Variants in NR2E1 observed in about 807,000 individuals in gnomAD.
NR2E1 encodes nuclear receptor subfamily 2 group E member 1.
NR2E1 carries 5 observed loss-of-function variants against 43.6 expected under a neutral mutation model. The observed-to-expected ratio is 0.11, with a 90% CI of 0.06 to 0.24. The LOEUF is 0.24. Ranked by LOEUF, NR2E1 falls within the 10% of genes least tolerant of loss-of-function variation. The pLI is 1.00. For missense variants in NR2E1, 287 were observed against 496.7 expected (o/e 0.58, Z 4.01); for synonymous variants, 191 against 195.5 (o/e 0.98, Z 0.19).
chr6:108,188,753 T>C lies in NR2E1; in HGVS notation c.*1290T>C, dbSNP rs1355420980. ...AAGTGAATTAACTGATTTGTGAAGT[T>C]AAAAGGTTGTACTCATTGTATTTAC... is the stretch of plus-strand genomic sequence containing the variant. On this transcript the variant is annotated 3_prime_UTR_variant, in exon 9 of 9. Coordinates refer to ENST00000368986, the MANE Select transcript of NR2E1 (RefSeq NM_003269.5). The C allele has an allele frequency of 6.6e-6, 1 of 152,174 alleles. No homozygotes were observed. Among genetic ancestry groups the C allele is most frequent in the Non-Finnish European group, 1.5e-5 (1 of 68,032 alleles). 9.4% of individuals were successfully genotyped at this position (152,174 alleles called of 1,614,324 possible).
At chr6:108,185,060 T>G (rs1372301929) in intron 8 of NR2E1, among the ~76,000 whole-genome samples, 1 of 152,168 alleles carries the variant, frequency 6.6e-6, no homozygotes, top group Non-Finnish European at 1.5e-5. Flanking sequence ...CAGTGAACAC[T>G]TTTTCCTCCA....
At chr6:108,187,217 G>C in intron 8 of NR2E1, 84 bp from the exon 9 acceptor site, 2 of 1,451,022 alleles carry the variant, frequency 1.4e-6, no homozygotes, top group Non-Finnish European at 1.9e-6. Context: ...AGCAATGCTG[G>C]AGATGATGTG....
chr6:108,175,448 T>G (rs1054689425), intron 3 of NR2E1, among the ~76,000 whole-genome samples: 2 of 152,252 alleles, frequency 1.3e-5, no homozygotes, highest in Non-Finnish European at 2.9e-5. Flanking sequence ...TGGGCCGATG[T>G]GAGTCCAGGG....
chr6:108,181,555 A>G lies in NR2E1; in HGVS notation c.899A>G (p.His300Arg), dbSNP rs746049251. The G allele has an allele frequency of 1.9e-6, 3 of 1,613,656 alleles. No individual in the cohort carries two copies. The highest frequency in any genetic ancestry group is 1.7e-5 in the Admixed American group (1 of 60,020). ...CIVTFKAVPT[H>R]SGSELRSFRN... ...TGGTCTTCATTTCTAGTTCCTACACATAGTGGTTCTGAACTGAGAAGTTTC... is the reference window on the plus strand; with the variant it reads ...TGGTCTTCATTTCTAGTTCCTACACGTAGTGGTTCTGAACTGAGAAGTTTC... The change falls in exon 8 of 9, where the codon CAT becomes CGT. Residue 300 changes from histidine to arginine, a missense_variant. His to Arg is a conservative substitution (Grantham distance 29, BLOSUM62 0). This residue lies in a region of NR2E1 where 119 missense variants were observed against 187.0 expected (regional missense o/e 0.64). Transcript: ENST00000368986.
intron 8 of NR2E1, among the ~76,000 whole-genome samples, chr6:108,185,318 A>C (rs560444778): frequency 4.2e-4 from 64 of 152,306 alleles, no homozygotes; most frequent in African/African-American, 1.5e-3. Flanking sequence ...ATGCTAATGG[A>C]TGAAGACAAG....
At chr6:108,177,227 A>T (rs758070254) in intron 4 of NR2E1, among the ~76,000 whole-genome samples, 1 of 152,266 alleles carries the variant, frequency 6.6e-6, no homozygotes, top group Non-Finnish European at 1.5e-5. Flanking sequence ...ATGAGTTTCT[A>T]ACGCAAGTGC....
intron 4 of NR2E1, 129 bp from the exon 5 acceptor site, chr6:108,177,966 A>G (rs956882260): frequency 2.1e-6 from 2 of 971,552 alleles, no homozygotes; most frequent in East Asian, 2.4e-5. Context: ...TGTCAACTGC[A>G]TGTTTAAACA....
intron 2 of NR2E1, among the ~76,000 whole-genome samples, 158 bp downstream of exon 2, chr6:108,171,761 C>T (rs1353772644): frequency 2.0e-5 from 3 of 152,132 alleles, no homozygotes; most frequent in African/African-American, 7.2e-5. Flanking sequence ...CTCTTGGAGG[C>T]CCTTTGGCTG....
intron 1 of NR2E1, 88 bp from the exon 2 acceptor site, chr6:108,171,366 ATCTC>A: frequency 1.5e-6 from 2 of 1,334,382 alleles, no homozygotes; most frequent in East Asian, 2.3e-5. Context: ...ATTGCTTAGC[ATCTC>A]TCTCTCCCTC....
chr6:108,187,377 A>G lies in NR2E1; in HGVS notation c.1072A>G (p.Ile358Val). 1 of 1,614,226 alleles carries G rather than the reference A, an allele frequency of 6.2e-7. No individual in the cohort carries two copies. ...PALRSISPST[I>V]EEVFFKKTIG... ...TTTACGTTCTATTAGCCCATCAACT[A>G]TAGAAGAAGTGTTTTTCAAAAAAAC... The change falls in exon 9 of 9, where the codon ATA (isoleucine) becomes GTA (valine). Residue 358 changes from isoleucine to valine, a missense_variant. By Grantham distance (29) the Ile-to-Val change is conservative. Transcript: ENST00000368986.
At chr6:108,168,128 C>T in intron 1 of NR2E1, 1 of 1,598,866 alleles carries the variant, frequency 6.3e-7, no homozygotes, top group Admixed American at 1.7e-5. Context: ...TAGGCTCGGG[C>T]CTACCCTGGC....
At chr6:108,176,423 CG>C in intron 3 of NR2E1, 79 bp from the exon 4 acceptor site, 1 of 1,419,358 alleles carries the variant, frequency 7.0e-7, no homozygotes. Context: ...GACATTGGGG[CG>C]GGGCTGGGGG....
chr6:108,180,935 T>G lies in NR2E1; in HGVS notation c.868T>G (p.Cys290Gly). Residue 290 changes from cysteine to glycine, a missense_variant, in exon 7 of 9, where the codon TGC becomes GGC. By Grantham distance (159) the Cys-to-Gly change is radical. This residue lies in a region of NR2E1 where 119 missense variants were observed against 187.0 expected (regional missense o/e 0.64). Coordinates refer to ENST00000368986, the MANE Select transcript of NR2E1 (RefSeq NM_003269.5). The surrounding 1 kb of genome is among the most constrained non-coding windows in gnomAD (Gnocchi z 5.4). ...TGCTACTGAATTTGCCTGTCTAAAA[T>G]GCATCGTCACTTTCAAAGCCGGTAA... ...LDATEFACLK[C>G]IVTFKAVPTH... is the part of the protein sequence containing the mutation. The G allele has an allele frequency of 6.2e-7, 1 of 1,614,208 alleles. No individual in the cohort carries two copies. Among genetic ancestry groups the G allele is most frequent in the South Asian group, 1.1e-5 (1 of 91,090 alleles).
At chr6:108,181,488 C>T (rs940596270) in intron 7 of NR2E1, 58 bp from the exon 8 acceptor site, 67 of 1,428,040 alleles carry the variant, frequency 4.7e-5, no homozygotes, top group Admixed American at 2.8e-4. Flanking sequence ...GCACTGCGCT[C>T]GGCTCCCAGA....
At chr6:108,168,083 C>A in intron 1 of NR2E1, 1 of 1,603,614 alleles carries the variant, frequency 6.2e-7, no homozygotes, top group Non-Finnish European at 8.5e-7. Context: ...GGCCGGAATG[C>A]AGAGCGGACC....
chr6:108,166,890 G>A lies in NR2E1; in HGVS notation c.25+100G>A, dbSNP rs1286085285. The A allele has an allele frequency of 1.2e-5, 15 of 1,238,590 alleles. No homozygotes were observed. In the Middle Eastern group the frequency reaches 5.6e-4, roughly 46 times the overall value. 76.7% of individuals were successfully genotyped at this position (1,238,590 alleles called of 1,614,324 possible). On this transcript the variant is annotated intron_variant, in intron 1 of 8. Transcript: ENST00000368986. The surrounding 1 kb of genome is among the most constrained non-coding windows in gnomAD (Gnocchi z 7.2). ...CCTGCCTGGAGCGCTGCGAATCTGAGCCCCTGAGAGGGATTCCAGCGGGCG... is the reference window on the plus strand; with the variant it reads ...CCTGCCTGGAGCGCTGCGAATCTGAACCCCTGAGAGGGATTCCAGCGGGCG...
intron 1 of NR2E1, among the ~76,000 whole-genome samples, chr6:108,167,695 T>C (rs1773732541): frequency 6.6e-6 from 1 of 152,130 alleles, no homozygotes; most frequent in African/African-American, 2.4e-5. Context: ...CTCCAGGGTC[T>C]GAGGCTGGGG....
intron 8 of NR2E1, among the ~76,000 whole-genome samples, chr6:108,183,829 A>C (rs746257331): frequency 6.6e-6 from 1 of 152,184 alleles, no homozygotes; most frequent in Non-Finnish European, 1.5e-5. Flanking sequence ...GAATTACAGA[A>C]TATATATAGT....
Position 108,167,039 on chromosome 6 carries a change from C to T in NR2E1, c.25+249C>T, listed in dbSNP as rs536744174. Among the ~76,000 whole-genome samples the T allele has an allele frequency of 3.9e-5, 6 of 152,126 alleles. No homozygotes were observed. In the South Asian group the frequency reaches 1.2e-3, roughly 32 times the overall value. On this transcript the variant is annotated intron_variant, in intron 1 of 8. Transcript: ENST00000368986. ...GGTGCGGTGAGAAGGTTACGACCCG[C>T]GCAGCCCACCAGTCGGATGAGTTGT...
Sources: gnomAD v4.1 joint callset for allele counts (sites outside exome capture counted in the v4.1 genomes callset) on GRCh38, gnomAD v4.1.1 for gene constraint, gnomAD v4.1.1 regional missense constraint, Gnocchi (gnomAD v3.1) non-coding constraint, MANE v1.5 for transcripts, NCBI Gene and HGNC (gene_info 2026-07-23, HGNC 2026-07-21) for gene names.